The following SHROOM3 variants were observed in gnomAD, a reference collection of about 807,000 sequenced individuals.
SHROOM3 encodes the protein shroom family member 3.
A neutral mutation model predicts 138.6 loss-of-function variants in SHROOM3; 47 were observed. The observed-to-expected ratio is 0.34, with a 90% CI of 0.27 to 0.43. The LOEUF (loss-of-function observed/expected upper bound fraction) is 0.43. Ranked by LOEUF, SHROOM3 falls within the 20% of genes least tolerant of loss-of-function variation. The probability of loss-of-function intolerance (pLI) is 1.00; values close to 1 mark genes in which losing one functional copy is unlikely to be tolerated. For missense variants in SHROOM3, 2,491 were observed against 2,596.5 expected, an observed-to-expected ratio of 0.96 and a Z score of 0.88; for synonymous variants, 1,062 against 1,063.3, an observed-to-expected ratio of 1.00 and a Z score of 0.02.
chr4:76,666,868 C>T (rs1718706609), intron 2 of SHROOM3, among the ~76,000 whole-genome samples: 1 of 152,150 alleles, frequency 6.6e-6, no homozygotes, highest in African/African-American at 2.4e-5. Context: ...GTGGTATAAA[C>T]ATTTAATGGC....
rs33994270 is a variant in SHROOM3, at chr4:76,651,401, A to AATATATATAT, written c.324-58719_324-58710dup. On this transcript the variant is annotated intron_variant, in intron 2 of 10. Coordinates refer to ENST00000296043, the MANE Select transcript of SHROOM3 (RefSeq NM_020859.4). The stretch of plus-strand genomic sequence containing the variant: ...ATTAACACATCTCATGTAACCCATA[A>AATATATATAT]ATATATATATATATATATATATATA... Among the ~76,000 whole-genome samples the AATATATATAT allele has an allele frequency of 9.9e-3, 852 of 86,344 alleles. 23 individuals are homozygous for AATATATATAT. Among genetic ancestry groups the AATATATATAT allele is most frequent in the Middle Eastern group, 0.024 (3 of 124 alleles). 56.6% of individuals were successfully genotyped at this position (86,344 alleles called of 152,430 possible).
chr4:76,626,819 T>G (rs1735157926), intron 2 of SHROOM3, among the ~76,000 whole-genome samples: 9 of 152,204 alleles, frequency 5.9e-5, no homozygotes, highest in Admixed American at 5.9e-4. Context: ...AGCATATTTC[T>G]CTTCCTCAAT....
chr4:76,514,698 C>T (rs764694648), intron 1 of SHROOM3, among the ~76,000 whole-genome samples: 18 of 151,878 alleles, frequency 1.2e-4, no homozygotes, highest in African/African-American at 2.9e-4. Flanking sequence ...ATATATGAAG[C>T]GTGAAACTTT....
intron 2 of SHROOM3, among the ~76,000 whole-genome samples, chr4:76,634,333 T>A (rs1577937506): frequency 6.6e-6 from 1 of 152,144 alleles, no homozygotes. Flanking sequence ...CTAGCAGACG[T>A]TGGTGGCCAG....
At chr4:76,457,505 T>C (rs1338783417) in intron 1 of SHROOM3, among the ~76,000 whole-genome samples, 5 of 151,982 alleles carry the variant, frequency 3.3e-5, no homozygotes, top group Non-Finnish European at 5.9e-5. Context: ...ATTTTTTTTT[T>C]TTTTTGAGAT....
At chr4:76,516,595 A>T (rs535552036) in intron 1 of SHROOM3, among the ~76,000 whole-genome samples, 6 of 148,608 alleles carry the variant, frequency 4.0e-5, no homozygotes, top group Non-Finnish European at 7.5e-5. Context: ...AGCATGATTT[A>T]GAAAAAAAAA....
At chr4:76,775,399 A>C (rs1193516950) in intron 10 of SHROOM3, among the ~76,000 whole-genome samples, 1 of 151,952 alleles carries the variant, frequency 6.6e-6, no homozygotes, top group Non-Finnish European at 1.5e-5. Context: ...AAAAAAATAC[A>C]TGTTGGCATG....
chr4:76,573,518 T>C (rs1733875340), intron 2 of SHROOM3: 1 of 154,314 alleles, frequency 6.5e-6, no homozygotes, highest in South Asian at 2.0e-4. Flanking sequence ...AATCCTCCCT[T>C]GCTCAGATGT....
chr4:76,770,369 C>T (rs1223704404), intron 9 of SHROOM3, among the ~76,000 whole-genome samples: 1 of 133,620 alleles, frequency 7.5e-6, no homozygotes, highest in Non-Finnish European at 1.6e-5. Context: ...CAAAGCTGTA[C>T]ATAGCATGAC....
intron 1 of SHROOM3, among the ~76,000 whole-genome samples, chr4:76,456,016 A>T (rs1731020045): frequency 6.6e-6 from 1 of 151,894 alleles, no homozygotes; most frequent in Non-Finnish European, 1.5e-5. Context: ...TTTATTTTTT[A>T]ATTTTTTTTG....
chr4:76,759,457 A>T, intron 8 of SHROOM3, 88 bp from the exon 9 acceptor site: 1 of 1,500,038 alleles, frequency 6.7e-7, no homozygotes, highest in Non-Finnish European at 9.3e-7. Flanking sequence ...TAGAATTGTT[A>T]CGCACTTCTG....
intron 2 of SHROOM3, among the ~76,000 whole-genome samples, chr4:76,623,527 A>G (rs1735053664): frequency 6.6e-6 from 1 of 152,248 alleles, no homozygotes; most frequent in Admixed American, 6.5e-5. Context: ...CATAGGCCAA[A>G]TGATCTGGCT....
At chr4:76,729,542 T>G (rs1015565782) in intron 3 of SHROOM3, among the ~76,000 whole-genome samples, 3 of 152,214 alleles carry the variant, frequency 2.0e-5, no homozygotes, top group African/African-American at 7.2e-5. Context: ...TCATCATCTA[T>G]TTTGGGAAGC....
chr4:76,741,458 C>T lies in SHROOM3; in HGVS notation c.3285C>T (p.Gly1095=). The part of the protein sequence containing the change: ...ALADYIQRKT[G]KRPTSAAGCS... ...CGGACTACATCCAGCGCAAGACCGG[C>T]AAGCGGCCTACCTCCGCCGCCGGCT... Residue 1095 remains glycine, a synonymous_variant, in exon 5 of 11, where the codon GGC becomes GGT. Transcript: ENST00000296043. The surrounding 1 kb of genome is among the most constrained non-coding windows in gnomAD (Gnocchi z 6.2). 1 of 1,575,426 alleles carries T rather than the reference C, an allele frequency of 6.3e-7. No homozygotes were observed. Among genetic ancestry groups the T allele is most frequent in the Non-Finnish European group, 8.6e-7 (1 of 1,163,248 alleles).
intron 1 of SHROOM3, among the ~76,000 whole-genome samples, chr4:76,518,453 T>G (rs1732490069): frequency 6.6e-6 from 1 of 152,050 alleles, no homozygotes; most frequent in African/African-American, 2.4e-5. Context: ...TTCATTTTCT[T>G]TCCCCTCCCC....
At chr4:76,762,833 T>C (rs1165882906) in intron 9 of SHROOM3, among the ~76,000 whole-genome samples, 1 of 152,146 alleles carries the variant, frequency 6.6e-6, no homozygotes, top group South Asian at 2.1e-4. Flanking sequence ...GATAGACACA[T>C]GGACTCTACT....
At chr4:76,766,341 A>G (rs953046189) in intron 9 of SHROOM3, among the ~76,000 whole-genome samples, 4 of 152,222 alleles carry the variant, frequency 2.6e-5, no homozygotes, top group Admixed American at 2.0e-4. Context: ...CTGATGCCGA[A>G]TGTTATGTCA....
chr4:76,441,329 G>A (rs929908204), intron 1 of SHROOM3, among the ~76,000 whole-genome samples: 2 of 152,024 alleles, frequency 1.3e-5, no homozygotes, highest in Non-Finnish European at 2.9e-5. Context: ...TCCTGACCTC[G>A]TGATCCACCC....
intron 1 of SHROOM3, among the ~76,000 whole-genome samples, chr4:76,438,256 TC>T (rs1730600083): frequency 6.6e-6 from 1 of 152,162 alleles, no homozygotes; most frequent in East Asian, 1.9e-4. Flanking sequence ...CTTACTTCCA[TC>T]CTGGAGTGAT....
Sources: allele counts gnomAD v4.1 joint callset (sites outside exome capture counted in the v4.1 genomes callset), GRCh38; gene constraint gnomAD v4.1.1; non-coding constraint Gnocchi (gnomAD v3.1); transcripts MANE v1.5; gene names NCBI Gene and HGNC (gene_info 2026-07-23, HGNC 2026-07-21).